LOC400499: variants seen among roughly 807,000 people sequenced by gnomAD.
At chr16:11,503,577 T>C in the LOC400499 span, among the ~76,000 whole-genome samples, 1 of 152,170 alleles carries the variant, frequency 6.6e-6, no homozygotes, top group South Asian at 2.1e-4. Flanking sequence ...GGGACCTGCT[T>C]CCCTGACCCT....
the LOC400499 span, among the ~76,000 whole-genome samples, chr16:11,428,049 A>G: frequency 6.6e-6 from 1 of 152,202 alleles, no homozygotes; most frequent in Non-Finnish European, 1.5e-5. Flanking sequence ...GTTTATTAAG[A>G]AAGGAAAGGA....
the LOC400499 span, chr16:11,461,195 G>A: frequency 1.4e-6 from 2 of 1,462,794 alleles, no homozygotes; most frequent in South Asian, 1.4e-5. Flanking sequence ...GCAAAGAAGG[G>A]ACTCAGGTAT....
At chr16:11,474,547 A>G in the LOC400499 span, among the ~76,000 whole-genome samples, 1 of 152,118 alleles carries the variant, frequency 6.6e-6, no homozygotes, top group South Asian at 2.1e-4. Flanking sequence ...AAGCATTATC[A>G]TTGACTGAAG....
At chr16:11,409,316 G>C in the LOC400499 span, among the ~76,000 whole-genome samples, 1 of 151,996 alleles carries the variant, frequency 6.6e-6, no homozygotes, top group Non-Finnish European at 1.5e-5. Context: ...GTAAGGAAGG[G>C]TAGGGTGTAG....
the LOC400499 span, among the ~76,000 whole-genome samples, chr16:11,518,553 G>A: frequency 2.0e-5 from 3 of 152,094 alleles, no homozygotes; most frequent in African/African-American, 7.2e-5. Context: ...GTGATCGGCA[G>A]GTGTGAAATC....
the LOC400499 span, among the ~76,000 whole-genome samples, chr16:11,373,773 C>G: frequency 6.6e-6 from 1 of 152,186 alleles, no homozygotes; most frequent in Non-Finnish European, 1.5e-5. Context: ...GTACATGCCA[C>G]TATGCCCGGC....
the LOC400499 span, among the ~76,000 whole-genome samples, chr16:11,406,453 A>G: frequency 2.0e-5 from 3 of 151,906 alleles, no homozygotes; most frequent in African/African-American, 7.3e-5. Context: ...TCCTTTTGAG[A>G]TGGAGTTTCA....
the LOC400499 span, chr16:11,462,164 A>T: frequency 9.1e-6 from 14 of 1,532,982 alleles, no homozygotes; most frequent in Non-Finnish European, 1.2e-5. Context: ...CGATGCGGAG[A>T]AGGCCAGCTT....
chr16:11,382,916 C>A, the LOC400499 span, among the ~76,000 whole-genome samples: 1 of 149,362 alleles, frequency 6.7e-6, no homozygotes, highest in African/African-American at 2.5e-5. Flanking sequence ...TATAAAGGAG[C>A]ACCTGAGGCT....
the LOC400499 span, among the ~76,000 whole-genome samples, chr16:11,525,717 CACCATG>C: frequency 6.6e-6 from 1 of 152,232 alleles, no homozygotes. Flanking sequence ...AGCCTCCAGC[CACCATG>C]ACCTGCAGAA....
At chr16:11,489,990 G>A in the LOC400499 span, among the ~76,000 whole-genome samples, 1 of 152,160 alleles carries the variant, frequency 6.6e-6, no homozygotes. Flanking sequence ...CAGTGGAGAC[G>A]GGTAAAATGG....
At chr16:11,442,544 C>G in the LOC400499 span, 1 of 152,116 alleles carries the variant, frequency 6.6e-6, no homozygotes. Flanking sequence ...TTAAAAAGAG[C>G]AGACAGCTAA....
At chr16:11,372,727 CA>C in the LOC400499 span, 1 of 983,640 alleles carries the variant, frequency 1.0e-6, no homozygotes, top group Non-Finnish European at 1.2e-6. Context: ...CTGGCATAGA[CA>C]AAATCTCAAA....
the LOC400499 span, among the ~76,000 whole-genome samples, chr16:11,504,298 G>C: frequency 6.6e-6 from 1 of 152,206 alleles, no homozygotes; most frequent in South Asian, 2.1e-4. Context: ...GTTCACGCCT[G>C]TAATCCCAGC....
the LOC400499 span, among the ~76,000 whole-genome samples, chr16:11,416,368 C>T: frequency 1.3e-5 from 2 of 152,224 alleles, no homozygotes; most frequent in South Asian, 4.1e-4. Context: ...CAGAGGATGG[C>T]TCTGGGTTCA....
the LOC400499 span, among the ~76,000 whole-genome samples, chr16:11,406,299 C>G: frequency 1.3e-5 from 2 of 152,252 alleles, no homozygotes; most frequent in Non-Finnish European, 2.9e-5. Flanking sequence ...AGCTAGTTCA[C>G]TTAGGATAAT....
the LOC400499 span, among the ~76,000 whole-genome samples, chr16:11,379,113 G>C: frequency 6.6e-6 from 1 of 152,134 alleles, no homozygotes; most frequent in Non-Finnish European, 1.5e-5. Context: ...AAAATAGCTG[G>C]TCGTGGTGGC....
At chr16:11,476,531 A>G in the LOC400499 span, among the ~76,000 whole-genome samples, 1 of 151,970 alleles carries the variant, frequency 6.6e-6, no homozygotes, top group Non-Finnish European at 1.5e-5. Flanking sequence ...TCATGCACAC[A>G]GCAGCTCATA....
At chr16:11,481,479 C>T in the LOC400499 span, among the ~76,000 whole-genome samples, 1 of 152,060 alleles carries the variant, frequency 6.6e-6, no homozygotes, top group African/African-American at 2.4e-5. Flanking sequence ...CCTGCCACCA[C>T]ACCTGGCTAA....
Sources: gnomAD v4.1 joint callset for allele counts (sites outside exome capture counted in the v4.1 genomes callset) on GRCh38, gnomAD v4.1.1 for gene constraint, MANE v1.5 for transcripts.